The following ZNF765 variants were observed in gnomAD, a reference collection of about 807,000 sequenced individuals.
The protein encoded by ZNF765 is zinc finger protein 765.
Under a neutral mutation model 44.7 loss-of-function variants are expected in ZNF765, and 37 were observed. The observed-to-expected ratio is 0.83, with a 90% CI of 0.64 to 1.09. The LOEUF is 1.09. Among genes scored for constraint, ZNF765 ranks in the 50% least tolerant of loss-of-function variants. The probability of loss-of-function intolerance (pLI) is 0.00; values close to 1 mark genes in which losing one functional copy is unlikely to be tolerated. For missense variants in ZNF765, 594 were observed against 626.1 expected (o/e 0.95, Z 0.55); for synonymous variants, 201 against 213.7 (o/e 0.94, Z 0.52).
chr19:53,403,588 A>T (rs1208092408), intron 3 of ZNF765, among the ~76,000 whole-genome samples: 1 of 152,224 alleles, frequency 6.6e-6, no homozygotes, highest in Non-Finnish European at 1.5e-5. Flanking sequence ...TCACGCCTGT[A>T]ATCCCAGCAC....
At chr19:53,402,028 C>A in intron 2 of ZNF765, 37 bp from the exon 3 acceptor site, 1 of 1,613,956 alleles carries the variant, frequency 6.2e-7, no homozygotes, top group Non-Finnish European at 8.5e-7. Context: ...AAGAACTCCT[C>A]CCATAACCAT....
chr19:53,414,995 C>T (rs952312107), downstream of ZNF765, among the ~76,000 whole-genome samples: 3 of 151,982 alleles, frequency 2.0e-5, no homozygotes, highest in South Asian at 2.1e-4. Context: ...TGATTGGCCA[C>T]GCACGGTGGC....
chr19:53,406,068 C>G (rs1305851765), intron 3 of ZNF765, among the ~76,000 whole-genome samples: 7 of 146,656 alleles, frequency 4.8e-5, no homozygotes, highest in Admixed American at 4.1e-4. Context: ...CTCACTCTGT[C>G]ACTCAGCTGG....
At chr19:53,406,150 T>C (rs1332747166) in intron 3 of ZNF765, among the ~76,000 whole-genome samples, 1 of 150,556 alleles carries the variant, frequency 6.6e-6, no homozygotes, top group Non-Finnish European at 1.5e-5. Flanking sequence ...TGCCTCAGCC[T>C]TCCAAGTAGC....
downstream of ZNF765, chr19:53,413,299 A>G: frequency 5.1e-6 from 3 of 586,668 alleles, no homozygotes; most frequent in Admixed American, 1.9e-5. Flanking sequence ...AAAATCAGGT[A>G]CAACTTTAAA....
At chr19:53,399,702 G>T (rs540709492) in intron 2 of ZNF765, among the ~76,000 whole-genome samples, 1 of 151,796 alleles carries the variant, frequency 6.6e-6, no homozygotes, top group Non-Finnish European at 1.5e-5. Context: ...AAATTTTTAC[G>T]TTTGGGGCCA....
rs369877877 is a variant in ZNF765 at position 53,407,251 on chromosome 19, T to G, written c.143-447T>G. ...TTTGACAATACAGAATTTCCATTGA[T>G]TTTGGTTATCCTTACATAATCTTGT... On this transcript the variant is annotated intron_variant, in intron 3 of 3. Coordinates refer to ENST00000396408, the MANE Select transcript of ZNF765 (RefSeq NM_001040185.3). 4.6e-5 allele frequency among the ~76,000 whole-genome samples: 7 copies of G among 152,226 alleles called. No homozygotes were observed. In the East Asian group the frequency reaches 7.7e-4, roughly 17 times the overall value.
chr19:53,421,889 C>T (rs1213157390), intron 3 of ZNF765, among the ~76,000 whole-genome samples: 3 of 152,148 alleles, frequency 2.0e-5, no homozygotes, highest in Non-Finnish European at 4.4e-5. Flanking sequence ...GACATGATAT[C>T]AGAATGTCCA....
downstream of ZNF765, among the ~76,000 whole-genome samples, chr19:53,413,754 C>T (rs1287357528): frequency 6.6e-6 from 1 of 151,250 alleles, no homozygotes; most frequent in Non-Finnish European, 1.5e-5. Flanking sequence ...GACCCTTGGA[C>T]TTTACTATAT....
intron 3 of ZNF765, among the ~76,000 whole-genome samples, chr19:53,406,123 G>T (rs1425075325): frequency 6.7e-6 from 1 of 149,240 alleles, no homozygotes; most frequent in African/African-American, 2.5e-5. Context: ...CCACCTCCTG[G>T]GTTCAAATGA....
intron 2 of ZNF765, 52 bp downstream of exon 2, chr19:53,398,082 T>G (rs374028134): frequency 1.9e-6 from 3 of 1,613,680 alleles, no homozygotes; most frequent in African/African-American, 2.7e-5. Context: ...TCAGAAATGC[T>G]GACCTTGGAG....
intron 2 of ZNF765, chr19:53,401,829 C>G (rs2085728844): frequency 1.9e-5 from 20 of 1,048,872 alleles, no homozygotes; most frequent in Non-Finnish European, 2.7e-5. Context: ...TGAGCAGAGA[C>G]TGTGCCATTG....
At position 53,402,013 on chromosome 19, in the gene ZNF765, A is replaced by G. The variant is rs1408303435; in HGVS notation, c.16-52A>G. 3.1e-6 allele frequency: 5 copies of G among 1,613,852 alleles called. No individual in the cohort carries two copies. The African/African-American group carries it at 6.7e-5, about 22-fold the overall frequency. On this transcript the variant is annotated intron_variant, in intron 2 of 3. Transcript: ENST00000396408. ...CTCTCTCTTCTTCTCATTTTCTGTA[A>G]AGATAAGAACTCCTCCCATAACCAT...
intron 3 of ZNF765, among the ~76,000 whole-genome samples, chr19:53,406,362 A>G (rs1568779402): frequency 6.6e-6 from 1 of 151,706 alleles, no homozygotes; most frequent in Non-Finnish European, 1.5e-5. Context: ...AATGCTGTGT[A>G]TTTTTTTGAC....
At chr19:53,404,644 T>A (rs893867212) in intron 3 of ZNF765, among the ~76,000 whole-genome samples, 4 of 151,970 alleles carry the variant, frequency 2.6e-5, no homozygotes, top group African/African-American at 9.7e-5. Context: ...TGTGTTTGTG[T>A]AGAAATGGGG....
At chr19:53,414,458 CACACACACACACACACACACACA>C (rs2085859044), downstream of ZNF765, among the ~76,000 whole-genome samples, 1 of 17,900 alleles carries the variant, frequency 5.6e-5, no homozygotes, top group African/African-American at 2.4e-4. Flanking sequence ...CACACACACA[CACACACACACACACACACACACA>C]CACACACACC....
exon 4 of ZNF765, chr19:53,424,464 T>TA (rs766868163): frequency 4.6e-5 from 7 of 151,934 alleles, no homozygotes; most frequent in Non-Finnish European, 8.8e-5. Flanking sequence ...ACAAGAGTGA[T>TA]ACTCTGTCTC....
downstream of ZNF765, among the ~76,000 whole-genome samples, chr19:53,415,884 A>G (rs909305797): frequency 2.0e-5 from 3 of 152,144 alleles, no homozygotes; most frequent in African/African-American, 7.2e-5. Context: ...TCTCTGACAT[A>G]TATTTCTGCT....
chr19:53,396,660 GTTATC>G (rs959322109), intron 1 of ZNF765, among the ~76,000 whole-genome samples: 2 of 152,116 alleles, frequency 1.3e-5, no homozygotes, highest in African/African-American at 4.8e-5. Flanking sequence ...CACAAAAAGC[GTTATC>G]TTATAACTGT....
Sources: gnomAD v4.1 joint callset for allele counts (sites outside exome capture counted in the v4.1 genomes callset) on GRCh38, gnomAD v4.1.1 for gene constraint, MANE v1.5 for transcripts, NCBI Gene and HGNC (gene_info 2026-07-23, HGNC 2026-07-21) for gene names.